Variants in NAALADL2 observed in about 807,000 individuals in gnomAD.
NAALADL2 encodes the protein inactive N-acetylated-alpha-linked acidic dipeptidase-like protein 2.
In NAALADL2, 76 loss-of-function variants were observed where a neutral mutation model predicts 87.2. The observed-to-expected ratio is 0.87, with a 90% CI of 0.72 to 1.05. The LOEUF (loss-of-function observed/expected upper bound fraction) is 1.05. Among genes scored for constraint, NAALADL2 ranks in the 50% least tolerant of loss-of-function variants. NAALADL2 has a pLI of 0.00. For missense variants in NAALADL2, 1,089 were observed against 945.8 expected, an observed-to-expected ratio of 1.15 and a Z score of -1.99; for synonymous variants, 354 against 331.0, an observed-to-expected ratio of 1.07 and a Z score of -0.75.
At chr3:175,352,372 T>G (rs1030806787) in intron 5 of NAALADL2, among the ~76,000 whole-genome samples, 12 of 152,186 alleles carry the variant, frequency 7.9e-5, no homozygotes, top group Non-Finnish European at 1.6e-4. Flanking sequence ...GACTCTTTAT[T>G]TACACAAAGG....
At chr3:175,566,734 A>G (rs956049172) in intron 9 of NAALADL2, among the ~76,000 whole-genome samples, 5 of 152,020 alleles carry the variant, frequency 3.3e-5, no homozygotes, top group Admixed American at 2.0e-4. Context: ...TTTCTGGGTA[A>G]TATCAGTTCA....
At chr3:174,741,141 C>A (rs1225783327) in intron 3 of NAALADL2, among the ~76,000 whole-genome samples, 1 of 151,680 alleles carries the variant, frequency 6.6e-6, no homozygotes, top group African/African-American at 2.4e-5. Context: ...GGTAAAGAGT[C>A]TTGCTGATAT....
chr3:175,736,734 T>C (rs549728653), intron 11 of NAALADL2, among the ~76,000 whole-genome samples: 1 of 152,388 alleles, frequency 6.6e-6, no homozygotes, highest in Admixed American at 6.5e-5. Context: ...TTAGGTTATG[T>C]ATTCGTCAGT....
At chr3:175,572,409 CAAA>C (rs80278132) in intron 9 of NAALADL2, among the ~76,000 whole-genome samples, 29 of 97,194 alleles carry the variant, frequency 3.0e-4, no homozygotes, top group Non-Finnish European at 3.8e-4. Flanking sequence ...GTTGGTTTAC[CAAA>C]AAAAAAAAAA....
chr3:175,173,844 A>C (rs1373917277), intron 2 of NAALADL2, among the ~76,000 whole-genome samples: 1 of 152,196 alleles, frequency 6.6e-6, no homozygotes, highest in Non-Finnish European at 1.5e-5. Flanking sequence ...GGACTTCTGC[A>C]ATTTTCGTCT....
intron 2 of NAALADL2, among the ~76,000 whole-genome samples, chr3:174,642,516 A>G (rs1723314690): frequency 6.6e-6 from 1 of 151,278 alleles, no homozygotes; most frequent in Admixed American, 6.6e-5. Flanking sequence ...ATAAAAAAAA[A>G]AAAAAAAAAA....
chr3:175,226,707 G>C (rs1447199526), intron 2 of NAALADL2, among the ~76,000 whole-genome samples: 2 of 152,052 alleles, frequency 1.3e-5, no homozygotes, highest in African/African-American at 4.8e-5. Flanking sequence ...TATTTTAGAA[G>C]GTAAGAAGTA....
intron 3 of NAALADL2, among the ~76,000 whole-genome samples, chr3:174,843,605 G>A (rs1386679596): frequency 1.3e-5 from 2 of 152,028 alleles, no homozygotes; most frequent in African/African-American, 4.8e-5. Context: ...AATTTAATGA[G>A]GAACCTCTAT....
At chr3:175,051,860 C>A (rs565848585) in intron 1 of NAALADL2, among the ~76,000 whole-genome samples, 1 of 152,254 alleles carries the variant, frequency 6.6e-6, no homozygotes, top group African/African-American at 2.4e-5. Flanking sequence ...TAAGAACCAA[C>A]TGAACACATA....
chr3:175,191,566 G>A (rs1738211831), intron 2 of NAALADL2, among the ~76,000 whole-genome samples: 1 of 152,110 alleles, frequency 6.6e-6, no homozygotes, highest in African/African-American at 2.4e-5. Context: ...AGCACCCCCT[G>A]AATGATATAT....
chr3:174,854,835 CTTTTTTTTT>C (rs68116968), upstream of NAALADL2, among the ~76,000 whole-genome samples: 64 of 112,004 alleles, frequency 5.7e-4, no homozygotes, highest in African/African-American at 2.1e-3. Context: ...GCTTTTTTTT[CTTTTTTTTT>C]TTTTTTTTTT....
chr3:175,026,901 G>T (rs556613461), intron 1 of NAALADL2, among the ~76,000 whole-genome samples: 1 of 152,012 alleles, frequency 6.6e-6, no homozygotes, highest in African/African-American at 2.4e-5. Flanking sequence ...ACTGCATACC[G>T]AACAAACATT....
intron 11 of NAALADL2, among the ~76,000 whole-genome samples, chr3:175,732,136 T>C (rs899449764): frequency 6.6e-6 from 1 of 152,164 alleles, no homozygotes; most frequent in African/African-American, 2.4e-5. Flanking sequence ...AGGATTTTTG[T>C]GATCACTCTG....
intron 1 of NAALADL2, among the ~76,000 whole-genome samples, chr3:174,495,395 A>G (rs560619636): frequency 9.9e-4 from 151 of 152,276 alleles, no homozygotes; most frequent in African/African-American, 3.5e-3. Context: ...AAAACATTTA[A>G]TGGGCATCAA....
chr3:175,190,947 C>T (rs941968735), intron 2 of NAALADL2, among the ~76,000 whole-genome samples: 2 of 136,528 alleles, frequency 1.5e-5, no homozygotes, highest in African/African-American at 5.5e-5. Flanking sequence ...CACTGCACTC[C>T]AGCCTGGGCA....
At chr3:174,677,076 C>T (rs1727105393) in intron 2 of NAALADL2, among the ~76,000 whole-genome samples, 1 of 151,788 alleles carries the variant, frequency 6.6e-6, no homozygotes, top group Non-Finnish European at 1.5e-5. Flanking sequence ...TACTTTTCAA[C>T]TTGTATCTGT....
chr3:175,101,955 C>T (rs937529337), intron 2 of NAALADL2, among the ~76,000 whole-genome samples: 1 of 152,088 alleles, frequency 6.6e-6, no homozygotes, highest in African/African-American at 2.4e-5. Context: ...CATAATCCTA[C>T]CTCTTTTTAG....
intron 2 of NAALADL2, among the ~76,000 whole-genome samples, chr3:174,586,850 A>G (rs978655167): frequency 4.6e-5 from 7 of 152,016 alleles, no homozygotes; most frequent in African/African-American, 1.7e-4. Context: ...TTTTATTATT[A>G]TACTTTAAGT....
At chr3:175,140,388 G>A (rs1466651761) in intron 2 of NAALADL2, among the ~76,000 whole-genome samples, 3 of 151,982 alleles carry the variant, frequency 2.0e-5, no homozygotes, top group African/African-American at 7.2e-5. Flanking sequence ...TAGTCTTCTG[G>A]GAATGAGAAT....
Sources: gnomAD v4.1 joint callset for allele counts (sites outside exome capture counted in the v4.1 genomes callset) on GRCh38, gnomAD v4.1.1 for gene constraint, MANE v1.5 for transcripts, NCBI Gene and HGNC (gene_info 2026-07-23, HGNC 2026-07-21) for gene names.